ANXA11: variants seen among roughly 807,000 people sequenced by gnomAD.
ANXA11 encodes the protein 56 kDa autoantigen.
Under a neutral mutation model 64.7 loss-of-function variants are expected in ANXA11, and 57 were observed. The ratio of observed to expected loss-of-function variants is 0.88; its 90% CI spans 0.71 to 1.10. The LOEUF (loss-of-function observed/expected upper bound fraction) is 1.10, where lower values mean the gene tolerates loss of function less well. Ranked by LOEUF, ANXA11 falls within the 50% of genes least tolerant of loss-of-function variation. ANXA11 has a pLI of 0.00. For missense variants in ANXA11, 675 were observed against 670.7 expected (o/e 1.01, Z -0.07); for synonymous variants, 260 against 265.2 (o/e 0.98, Z 0.19).
chr10:80,185,207 T>G (rs1846496286), intron 1 of ANXA11, among the ~76,000 whole-genome samples: 1 of 152,238 alleles, frequency 6.6e-6, no homozygotes, highest in African/African-American at 2.4e-5. Flanking sequence ...TGTTTGCTTC[T>G]GAACACCTAC....
chr10:80,156,955 G>A, intron 15 of ANXA11: 1 of 984,334 alleles, frequency 1.0e-6, no homozygotes. Context: ...GCTCATGTGA[G>A]TTCAGAATTT....
At chr10:80,159,589 C>T (rs1236788158) in intron 12 of ANXA11, among the ~76,000 whole-genome samples, 1 of 152,154 alleles carries the variant, frequency 6.6e-6, no homozygotes, top group Non-Finnish European at 1.5e-5. Context: ...CATGAGCAGA[C>T]TAACAGAGGA....
intron 1 of ANXA11, among the ~76,000 whole-genome samples, chr10:80,184,615 C>T (rs564041923): frequency 6.6e-6 from 1 of 152,208 alleles, no homozygotes; most frequent in African/African-American, 2.4e-5. Context: ...GTTTATATAA[C>T]TATAATACAG....
rs1228530598 is a variant in ANXA11, at chr10:80,166,933, T to C, written c.701A>G (p.Gln234Arg). 1.2e-6 allele frequency: 2 copies of C among 1,609,640 alleles called. No individual in the cohort carries two copies. The highest frequency in any genetic ancestry group is 1.7e-6 in the Non-Finnish European group (2 of 1,178,486). ...IDCLGSRSNK[Q>R]RQQILLSFKT... is the part of the protein sequence containing the mutation. ...GAAGGAAAGTAGGATCTGCTGCCGC[T>C]GCTTGTTGGAGCGACTCCCCAGGCA... The change falls in exon 7 of 16, where the codon CAG (glutamine) becomes CGG (arginine). Residue 234 changes from glutamine (Q) to arginine (R), a missense_variant. By Grantham distance (43) the Gln-to-Arg change is conservative. Transcript: ENST00000422982.
At chr10:80,167,601 C>A (rs897647712) in intron 5 of ANXA11, among the ~76,000 whole-genome samples, 1 of 152,184 alleles carries the variant, frequency 6.6e-6, no homozygotes, top group Non-Finnish European at 1.5e-5. Flanking sequence ...TCCTCCAGGG[C>A]TGGGGCTCAG....
intron 1 of ANXA11, among the ~76,000 whole-genome samples, chr10:80,186,283 G>C (rs1014522476): frequency 1.6e-4 from 25 of 151,986 alleles, no homozygotes; most frequent in African/African-American, 6.0e-4. Flanking sequence ...AGAACTGTGG[G>C]GACTGAAGGG....
At chr10:80,167,051 C>T in intron 6 of ANXA11, 67 bp from the exon 7 acceptor site, 2 of 1,382,718 alleles carry the variant, frequency 1.4e-6, no homozygotes, top group Non-Finnish European at 2.0e-6. Flanking sequence ...TGAGACTTCC[C>T]TGGCCTGGGC....
chr10:80,203,653 G>T (rs780460214), intron 1 of ANXA11, among the ~76,000 whole-genome samples: 2 of 152,186 alleles, frequency 1.3e-5, no homozygotes, highest in Non-Finnish European at 2.9e-5. Flanking sequence ...AAGCCACACC[G>T]CCACACAAAT....
intron 1 of ANXA11, 62 bp from the exon 2 acceptor site, chr10:80,176,217 C>T (rs1846163142): frequency 1.3e-5 from 2 of 152,258 alleles, no homozygotes; most frequent in African/African-American, 4.8e-5. Context: ...AACTCCTAAA[C>T]CTCCACCAAT....
At position 80,163,339 on chromosome 10, in the gene ANXA11, T is replaced by C; in HGVS notation, c.1086+10A>G. On this transcript the variant is annotated intron_variant, in intron 11 of 15. Coordinates refer to ENST00000422982, the MANE Select transcript of ANXA11 (RefSeq NM_145868.2). ...TTTAGGAAGTCCAGGGGCTTGGCCATCACACTCACCTGGGCATCTCTCTGG... is the reference window on the plus strand; with the variant it reads ...TTTAGGAAGTCCAGGGGCTTGGCCACCACACTCACCTGGGCATCTCTCTGG... The C allele has an allele frequency of 6.2e-7, 1 of 1,612,924 alleles. No homozygotes were observed. Among genetic ancestry groups the C allele is most frequent in the Non-Finnish European group, 8.5e-7 (1 of 1,180,006 alleles).
At chr10:80,166,047 C>G in intron 8 of ANXA11, 37 bp downstream of exon 8, 1 of 399,900 alleles carries the variant, frequency 2.5e-6, no homozygotes, top group Middle Eastern at 5.6e-4. Context: ...CGCGCGCACA[C>G]ACACACACAC....
rs1845251036 is a variant in ANXA11 at position 80,155,821 on chromosome 10, C to T, written c.*32G>A. On this transcript the variant is annotated 3_prime_UTR_variant, in exon 16 of 16. Transcript: ENST00000422982. ...CTTTTCCTGGCACTGGTGTTGCCGG[C>T]AGGTGGGCAGAAGTGAGCCACCAGT... 4 of 1,606,348 alleles carry T rather than the reference C, an allele frequency of 2.5e-6. No individual in the cohort carries two copies. In the African/African-American group the frequency reaches 5.4e-5, roughly 22 times the overall value.
chr10:80,204,437 C>CA (rs1404274870), intron 1 of ANXA11, among the ~76,000 whole-genome samples: 1 of 152,220 alleles, frequency 6.6e-6, no homozygotes, highest in Non-Finnish European at 1.5e-5. Flanking sequence ...CAGGGCAGGG[C>CA]AGGGCAGGGG....
intron 15 of ANXA11, 146 bp downstream of exon 15, chr10:80,157,495 G>A: frequency 2.0e-6 from 3 of 1,467,942 alleles, no homozygotes; most frequent in Non-Finnish European, 9.0e-7. Context: ...CTGTTTAAGG[G>A]CAAGGGGATG....
chr10:80,197,864 C>T (rs556769165), intron 1 of ANXA11, among the ~76,000 whole-genome samples: 3 of 151,892 alleles, frequency 2.0e-5, no homozygotes, highest in Non-Finnish European at 2.9e-5. Flanking sequence ...GCAGAGCTTG[C>T]AGTGAGCCGA....
chr10:80,163,692 G>A, intron 9 of ANXA11, 79 bp from the exon 10 acceptor site: 1 of 1,351,756 alleles, frequency 7.4e-7, no homozygotes, highest in Non-Finnish European at 1.0e-6. Context: ...ATCAAAAGTG[G>A]GTACTGGGGA....
intron 1 of ANXA11, among the ~76,000 whole-genome samples, chr10:80,190,687 A>C (rs1846735486): frequency 1.3e-5 from 2 of 151,128 alleles, no homozygotes; most frequent in Non-Finnish European, 3.0e-5. Context: ...GGGTTTCACC[A>C]TGTCAGCCAA....
At chr10:80,171,750 C>T (rs1248876475) in intron 3 of ANXA11, 55 of 985,426 alleles carry the variant, frequency 5.6e-5, no homozygotes, top group Non-Finnish European at 6.4e-5. Flanking sequence ...GAAGAACCTT[C>T]CCTAAATTTC....
At position 80,151,740 on chromosome 10, in the gene ANXA11, A is replaced by G. The variant is rs566285812; in HGVS notation, c.*4113T>C. 9 of 152,294 alleles carry G rather than the reference A, an allele frequency of 5.9e-5. No individual in the cohort carries two copies. The East Asian group carries it at 1.7e-3, about 29-fold the overall frequency. The allele number at this position is 152,294 out of a possible 1,614,324, so 9.4% of individuals were successfully genotyped here. On this transcript the variant is annotated 3_prime_UTR_variant, in exon 16 of 16. Transcript: ENST00000422982. ...GACTGAATTCCAAGCAGACTGTGCC[A>G]TCTGCTCACCTGCCCTCTGGAGGAA... is the stretch of plus-strand genomic sequence containing the variant.
Sources: allele counts gnomAD v4.1 joint callset (sites outside exome capture counted in the v4.1 genomes callset), GRCh38; gene constraint gnomAD v4.1.1; transcripts MANE v1.5; gene names NCBI Gene and HGNC (gene_info 2026-07-23, HGNC 2026-07-21).